Variants in OR6N1 observed in about 807,000 individuals in gnomAD.
OR6N1 encodes olfactory receptor 6N1.
For missense variants in OR6N1, 394 were observed against 371.7 expected (o/e 1.06, Z -0.49); for synonymous variants, 170 against 150.7 (o/e 1.13, Z -0.94).
At chr1:158,803,488 A>G in the OR6N1 span, among the ~76,000 whole-genome samples, 1 of 152,216 alleles carries the variant, frequency 6.6e-6, no homozygotes. Flanking sequence ...ATCTATCCCA[A>G]TTCTTCAAAT....
Position 158,765,736 on chromosome 1 carries a change from G to A in OR6N1, c.*8C>T, listed in dbSNP as rs779077016. The A allele has an allele frequency of 2.5e-6, 4 of 1,606,796 alleles. No homozygotes were observed. In the South Asian group the frequency reaches 4.4e-5, roughly 18 times the overall value. Reference sequence around the variant, plus strand: ...CAGGCCCGGCCTTGGCCTACTCTCAGCCCCAACTCATGCCAATATCCCAAT... The same window carrying A: ...CAGGCCCGGCCTTGGCCTACTCTCAACCCCAACTCATGCCAATATCCCAAT... On this transcript the variant is annotated 3_prime_UTR_variant, in exon 2 of 2. Coordinates refer to ENST00000641846, the MANE Select transcript of OR6N1 (RefSeq NM_001005185.2).
At chr1:158,787,321 A>G in the OR6N1 span, among the ~76,000 whole-genome samples, 1 of 152,066 alleles carries the variant, frequency 6.6e-6, no homozygotes, top group Non-Finnish European at 1.5e-5. Flanking sequence ...AGAGCTGTGA[A>G]CCAACTAAAC....
the OR6N1 span, among the ~76,000 whole-genome samples, chr1:158,830,288 G>A: frequency 3.9e-5 from 6 of 152,274 alleles, no homozygotes. Context: ...ATGTGTTAGT[G>A]GCTGTCATTC....
At chr1:158,769,732 C>G (rs1657368563) in intron 1 of OR6N1, among the ~76,000 whole-genome samples, 1 of 152,152 alleles carries the variant, frequency 6.6e-6, no homozygotes, top group Non-Finnish European at 1.5e-5. Flanking sequence ...TATACAAAAG[C>G]CTTTCTCAAT....
chr1:158,837,319 A>G, the OR6N1 span, among the ~76,000 whole-genome samples: 1 of 151,874 alleles, frequency 6.6e-6, no homozygotes, highest in Non-Finnish European at 1.5e-5. Context: ...AAAGTCTCTT[A>G]CTATTACCTT....
the OR6N1 span, among the ~76,000 whole-genome samples, chr1:158,800,479 G>A: frequency 6.6e-6 from 1 of 152,170 alleles, no homozygotes; most frequent in Non-Finnish European, 1.5e-5. Context: ...GTCCGTATCT[G>A]AGCTGGATGC....
At chr1:158,794,207 GGGGAGA>G in the OR6N1 span, among the ~76,000 whole-genome samples, 1 of 152,088 alleles carries the variant, frequency 6.6e-6, no homozygotes, top group African/African-American at 2.4e-5. Context: ...AGTAATCATT[GGGGAGA>G]AAAGTCCCCT....
chr1:158,804,736 A>G, the OR6N1 span, among the ~76,000 whole-genome samples: 34 of 152,144 alleles, frequency 2.2e-4, no homozygotes, highest in Non-Finnish European at 4.7e-4. Context: ...AAATGTTAGG[A>G]AAAAAATGAT....
the OR6N1 span, among the ~76,000 whole-genome samples, chr1:158,836,527 GT>G: frequency 1.3e-5 from 2 of 151,742 alleles, no homozygotes; most frequent in Non-Finnish European, 3.0e-5. Flanking sequence ...ATGTATAATT[GT>G]TCAAAGTATT....
chr1:158,781,754 G>A, the OR6N1 span, among the ~76,000 whole-genome samples: 1 of 152,266 alleles, frequency 6.6e-6, no homozygotes, highest in African/African-American at 2.4e-5. Context: ...AAACAAACTG[G>A]GGTTGTGGAG....
upstream of OR6N1, among the ~76,000 whole-genome samples, chr1:158,772,683 A>T (rs983046897): frequency 2.6e-5 from 4 of 152,144 alleles, no homozygotes; most frequent in Non-Finnish European, 5.9e-5. Context: ...TGTCTTACAC[A>T]CTGCAGTCTC....
At chr1:158,802,757 C>G in the OR6N1 span, among the ~76,000 whole-genome samples, 1 of 152,336 alleles carries the variant, frequency 6.6e-6, no homozygotes, top group East Asian at 1.9e-4. Context: ...ATACACTTGT[C>G]TAAGTCTCCA....
the OR6N1 span, among the ~76,000 whole-genome samples, chr1:158,800,822 A>G: frequency 6.6e-6 from 1 of 152,218 alleles, no homozygotes; most frequent in African/African-American, 2.4e-5. Flanking sequence ...TATTTCAAAA[A>G]TAAGTTTTCT....
chr1:158,807,492 T>C, the OR6N1 span, among the ~76,000 whole-genome samples: 1 of 152,178 alleles, frequency 6.6e-6, no homozygotes, highest in African/African-American at 2.4e-5. Context: ...ATTACTCTGC[T>C]CAGCAGAGGA....
intron 1 of OR6N1, among the ~76,000 whole-genome samples, chr1:158,770,589 G>A (rs1657399813): frequency 6.6e-6 from 1 of 151,982 alleles, no homozygotes; most frequent in Non-Finnish European, 1.5e-5. Flanking sequence ...CCATAATTTT[G>A]GATTTCACTG....
At chr1:158,815,984 G>T in the OR6N1 span, among the ~76,000 whole-genome samples, 29,580 of 151,472 alleles carry the variant, frequency 0.2, 3,086 homozygotes, top group Admixed American at 0.27. Flanking sequence ...TGAAACTCCA[G>T]CTCTACTAAA....
At chr1:158,776,786 T>C, upstream of OR6N1, 1 of 1,613,968 alleles carries the variant, frequency 6.2e-7, no homozygotes, top group Non-Finnish European at 8.5e-7. Context: ...GGATTGACCA[T>C]TGGTGTTAGT....
At chr1:158,788,236 A>G in the OR6N1 span, among the ~76,000 whole-genome samples, 1 of 152,224 alleles carries the variant, frequency 6.6e-6, no homozygotes, top group African/African-American at 2.4e-5. Context: ...AATAAAATTT[A>G]AGAAAAGTTC....
At chr1:158,768,844 T>C (rs1657343347) in intron 1 of OR6N1, among the ~76,000 whole-genome samples, 1 of 152,210 alleles carries the variant, frequency 6.6e-6, no homozygotes, top group African/African-American at 2.4e-5. Flanking sequence ...TCTACTTAAT[T>C]TTTAACTTTT....
Sources: gnomAD v4.1 joint callset for allele counts (sites outside exome capture counted in the v4.1 genomes callset) on GRCh38, gnomAD v4.1.1 for gene constraint, MANE v1.5 for transcripts, NCBI Gene and HGNC (gene_info 2026-07-23, HGNC 2026-07-21) for gene names.